The following AHSG variants were observed in gnomAD, a reference collection of about 807,000 sequenced individuals.
The protein encoded by AHSG is alpha 2-HS glycoprotein, also known as alpha-2-HS-glycoprotein.
Under a neutral mutation model 30.1 loss-of-function variants are expected in AHSG, and 23 were observed. The observed-to-expected ratio is 0.76, with a 90% CI of 0.55 to 1.08. The LOEUF (loss-of-function observed/expected upper bound fraction) is 1.08. Ranked by LOEUF, AHSG falls within the 50% of genes least tolerant of loss-of-function variation. The pLI, the probability that AHSG is intolerant of heterozygous loss-of-function variation, is 0.00. For synonymous variants in AHSG, 164 were observed against 186.3 expected (o/e 0.88, Z 0.98); for missense variants, 469 against 459.5 (o/e 1.02, Z -0.19).
rs564934985 is a variant in AHSG at position 186,618,962 on chromosome 3, C to T, written c.675+325C>T. 5.3e-5 allele frequency among the ~76,000 whole-genome samples: 8 copies of T among 152,286 alleles called. No individual in the cohort carries two copies. The East Asian group carries it at 1.4e-3, about 26-fold the overall frequency. Reference sequence around the variant, plus strand: ...AACTCTGATACAAAAGCTTTCAAGTCCTTGAGCCAATAATGTACACTTCTA... The same window carrying T: ...AACTCTGATACAAAAGCTTTCAAGTTCTTGAGCCAATAATGTACACTTCTA... On this transcript the variant is annotated intron_variant, in intron 5 of 6. Coordinates refer to ENST00000411641, the MANE Select transcript of AHSG (RefSeq NM_001622.4).
chr3:186,613,397 G>T, intron 1 of AHSG, 43 bp downstream of exon 1: 1 of 1,527,704 alleles, frequency 6.5e-7, no homozygotes, highest in Admixed American at 1.9e-5. Flanking sequence ...ATGTGTACAT[G>T]GAGCTCAATC....
Position 186,618,570 on chromosome 3 carries a change from T to C in AHSG, c.608T>C (p.Val203Ala). The change falls in exon 5 of 7, where the codon GTG becomes GCG. Residue 203 changes from valine to alanine, a missense_variant. Coordinates refer to ENST00000411641, the MANE Select transcript of AHSG (RefSeq NM_001622.4). Reference sequence around the variant, plus strand: ...CCTTCTACCTATGTGGAGTTTACAGTGTCTGGCACTGACTGTGTTGCTAAA... The same window carrying C: ...CCTTCTACCTATGTGGAGTTTACAGCGTCTGGCACTGACTGTGTTGCTAAA... ...LPPSTYVEFT[V>A]SGTDCVAKEA... 1 of 1,614,078 alleles carries C rather than the reference T, an allele frequency of 6.2e-7. No individual in the cohort carries two copies. Among genetic ancestry groups the C allele is most frequent in the Non-Finnish European group, 8.5e-7 (1 of 1,179,932 alleles).
chr3:186,618,714 T>C, intron 5 of AHSG, 77 bp downstream of exon 5: 1 of 1,556,906 alleles, frequency 6.4e-7, no homozygotes, highest in Middle Eastern at 2.1e-4. Flanking sequence ...GGATAGTTTG[T>C]ATCTTGGGGC....
Position 186,613,105 on chromosome 3 carries a change from C to G in AHSG, c.-37C>G. On this transcript the variant is annotated 5_prime_UTR_variant, in exon 1 of 7. Coordinates refer to ENST00000411641, the MANE Select transcript of AHSG (RefSeq NM_001622.4). ...CCTGGGTTGGTCCCGAAGCCTCCAA[C>G]CACCTGCACGCCTGCCAGGGCCTCT... is the stretch of plus-strand genomic sequence containing the variant. 8 of 1,606,710 alleles carry G rather than the reference C, an allele frequency of 5.0e-6. No individual in the cohort carries two copies. Among genetic ancestry groups the G allele is most frequent in the Non-Finnish European group, 6.8e-6 (8 of 1,174,548 alleles).
rs762220981 is a variant in AHSG, at chr3:186,613,287, A to G, written c.146A>G (p.Asn49Ser). Residue 49 changes from asparagine (N) to serine (S), a missense_variant, in exon 1 of 7, where the codon AAT (asparagine) becomes AGT (serine). Physicochemically the swap from Asn to Ser is conservative, Grantham distance 46. Coordinates refer to ENST00000411641, the MANE Select transcript of AHSG (RefSeq NM_001622.4). ...GCTCTGGTGGCTATAGACTACATCA[A>G]TCAAAACCTTCCTTGGGGATACAAA... ...EAALVAIDYINQNLPWGYKHT... is the reference protein window; with the variant it reads ...EAALVAIDYISQNLPWGYKHT... The G allele has an allele frequency of 6.2e-6, 10 of 1,614,190 alleles. No individual in the cohort carries two copies. Among genetic ancestry groups the G allele is most frequent in the South Asian group, 5.5e-5 (5 of 91,088 alleles).
At chr3:186,613,831 C>G (rs555191934) in intron 1 of AHSG, among the ~76,000 whole-genome samples, 27 of 152,252 alleles carry the variant, frequency 1.8e-4, no homozygotes, top group Non-Finnish European at 1.0e-4. Context: ...GGTCCTGCCT[C>G]CTGGTGCTGT....
rs1241111973 is a variant in AHSG, at chr3:186,619,126, C to T, written c.675+489C>T. On this transcript the variant is annotated intron_variant, in intron 5 of 6. Coordinates refer to ENST00000411641, the MANE Select transcript of AHSG (RefSeq NM_001622.4). ...CCTGGCTAACATGGTGAAACCCCGT[C>T]TCTACTAAAAATACAAAAAAATTAG... Among the ~76,000 whole-genome samples, 3 of 152,062 alleles carry T rather than the reference C, an allele frequency of 2.0e-5. No homozygotes were observed. In the East Asian group the frequency reaches 5.8e-4, roughly 29 times the overall value.
In AHSG at chr3:186,621,030, A is replaced by C; in HGVS notation, c.*100A>C. On this transcript the variant is annotated 3_prime_UTR_variant, in exon 7 of 7. Coordinates refer to ENST00000411641, the MANE Select transcript of AHSG (RefSeq NM_001622.4). The stretch of plus-strand genomic sequence containing the variant: ...GGGGGGCCTTGTCTGCTGGCCACGC[A>C]AGTGTCACATGCGATCTACATTAAT... The C allele has an allele frequency of 8.8e-7, 1 of 1,141,734 alleles. No individual in the cohort carries two copies. The highest frequency in any genetic ancestry group is 1.2e-6 in the Non-Finnish European group (1 of 800,202). The allele number at this position is 1,141,734 out of a possible 1,614,324, so 70.7% of individuals were successfully genotyped here.
chr3:186,617,367 T>G lies in AHSG; in HGVS notation c.573+17T>G. 1 of 1,614,194 alleles carries G rather than the reference T, an allele frequency of 6.2e-7. No individual in the cohort carries two copies. The highest frequency in any genetic ancestry group is 1.7e-5 in the Admixed American group (1 of 60,022). On this transcript the variant is annotated intron_variant, in intron 4 of 6. Transcript: ENST00000411641. ...CAGCTTGTGGTAAAGACTGAGATTC[T>G]TTTGACAGGTTGGGCAGTTCGGTGG...
At chr3:186,614,463 T>G (rs1035860508) in intron 1 of AHSG, among the ~76,000 whole-genome samples, 4 of 152,238 alleles carry the variant, frequency 2.6e-5, no homozygotes, top group African/African-American at 9.6e-5. Flanking sequence ...CTGGACCGAC[T>G]GACGACTGCC....
intron 1 of AHSG, among the ~76,000 whole-genome samples, chr3:186,613,931 C>CT (rs111804148): frequency 0.03 from 4,181 of 138,928 alleles, 56 homozygotes; most frequent in Middle Eastern, 0.059. Context: ...TTGTTTTTGT[C>CT]TTTTTTTTTT....
At chr3:186,620,087 A>T (rs1716434907) in intron 6 of AHSG, 147 bp downstream of exon 6, 2 of 563,096 alleles carry the variant, frequency 3.6e-6, no homozygotes, top group African/African-American at 3.8e-5. Context: ...ATGCGGAATC[A>T]TCAACAAATG....
intron 3 of AHSG, 27 bp downstream of exon 3, chr3:186,616,554 T>A: frequency 6.4e-7 from 1 of 1,559,922 alleles, no homozygotes; most frequent in Non-Finnish European, 8.8e-7. Context: ...TTATTCTCAT[T>A]TTTTCCTTGT....
chr3:186,617,549 C>G, intron 4 of AHSG, 199 bp downstream of exon 4: 2 of 983,422 alleles, frequency 2.0e-6, no homozygotes, highest in Non-Finnish European at 3.0e-6. Flanking sequence ...CCAACACCCT[C>G]AGCGCCTCCC....
Position 186,615,811 on chromosome 3 carries a change from A to C in AHSG, c.324+16A>C, listed in dbSNP as rs1205452676. 2 of 1,607,954 alleles carry C rather than the reference A, an allele frequency of 1.2e-6. No homozygotes were observed. Among genetic ancestry groups the C allele is most frequent in the Non-Finnish European group, 1.7e-6 (2 of 1,174,352 alleles). On this transcript the variant is annotated intron_variant, in intron 2 of 6. Transcript: ENST00000411641. ...GAAGGAGCATGTGAGTACCCTTCTT[A>C]GGATGACTGTAGGTGGCCCTTCGGC...
chr3:186,615,176 T>C (rs987508068), intron 1 of AHSG, among the ~76,000 whole-genome samples: 7 of 148,600 alleles, frequency 4.7e-5, no homozygotes, highest in Admixed American at 4.7e-4. Flanking sequence ...AAGCAAATAA[T>C]GAAAAGGAAG....
intron 1 of AHSG, among the ~76,000 whole-genome samples, chr3:186,614,393 C>T (rs2518134): frequency 0.64 from 97,971 of 152,016 alleles, 31,748 homozygotes; most frequent in Middle Eastern, 0.85. Context: ...GAAAAAGGCA[C>T]AATATGTGCC....
At position 186,620,776 on chromosome 3, in the gene AHSG, G is replaced by A. The variant is rs201849460; in HGVS notation, c.950G>A (p.Arg317His). ...HQLHRAHYDL[R>H]HTFMGVVSLG... is the part of the protein sequence containing the mutation. ...TTGCACCGGGCGCACTACGACCTGC[G>A]CCACACCTTCATGGGTGTGGTCTCA... The change falls in exon 7 of 7, where the codon CGC becomes CAC. Residue 317 changes from arginine to histidine, a missense_variant. By Grantham distance (29) the Arg-to-His change is conservative. Coordinates refer to ENST00000411641, the MANE Select transcript of AHSG (RefSeq NM_001622.4). The A allele has an allele frequency of 7.4e-5, 119 of 1,614,152 alleles. No homozygotes were observed. Among genetic ancestry groups the A allele is most frequent in the South Asian group, 3.2e-4 (29 of 91,074 alleles).
intron 5 of AHSG, among the ~76,000 whole-genome samples, chr3:186,619,019 A>T (rs1197006045): frequency 6.6e-6 from 1 of 152,236 alleles, no homozygotes; most frequent in Non-Finnish European, 1.5e-5. Context: ...ATCAGTGGCC[A>T]GGCATGATGG....
Sources: gnomAD v4.1 joint callset for allele counts (sites outside exome capture counted in the v4.1 genomes callset) on GRCh38, gnomAD v4.1.1 for gene constraint, MANE v1.5 for transcripts, NCBI Gene and HGNC (gene_info 2026-07-23, HGNC 2026-07-21) for gene names.